VPS13D: variants seen among roughly 807,000 people sequenced by gnomAD.
VPS13D encodes vacuolar protein sorting 13 homolog D.
A neutral mutation model predicts 461.9 loss-of-function variants in VPS13D; 187 were observed. The ratio of observed to expected loss-of-function variants is 0.40; its 90% CI spans 0.36 to 0.46. VPS13D has a LOEUF of 0.46. VPS13D is among the 20% of genes least tolerant of loss of function. VPS13D has a pLI of 0.60. For missense variants in VPS13D, 4,711 were observed against 5,364.9 expected (o/e 0.88, Z 3.81); for synonymous variants, 1,951 against 1,986.3 (o/e 0.98, Z 0.47).
At position 12,276,987 on chromosome 1, in the gene VPS13D, A is replaced by G; in HGVS notation, c.3399A>G (p.Glu1133=). ...TTCTTCAAAAATCCTTTCCCAAGGA[A>G]AAAGATGATTTAAGTCCTCAACCTT... is the stretch of plus-strand genomic sequence containing the variant. ...IGFLQKSFPK[E]KDDLSPQPLM... The change falls in exon 19 of 70, where the codon GAA becomes GAG. Residue 1133 remains glutamate, a synonymous_variant. Transcript: ENST00000620676. The surrounding 1 kb of genome is among the most constrained non-coding windows in gnomAD (Gnocchi z 4.5). 4 of 1,614,172 alleles carry G rather than the reference A, an allele frequency of 2.5e-6. No homozygotes were observed. The highest frequency in any genetic ancestry group is 3.4e-6 in the Non-Finnish European group (4 of 1,180,026).
intron 16 of VPS13D, among the ~76,000 whole-genome samples, chr1:12,269,473 A>C (rs973328446): frequency 6.6e-6 from 1 of 152,216 alleles, no homozygotes; most frequent in African/African-American, 2.4e-5. Context: ...CATACTTTTT[A>C]TTTCACTATG....
At chr1:12,372,894 C>T (rs1259724125) in intron 54 of VPS13D, among the ~76,000 whole-genome samples, 3 of 150,082 alleles carry the variant, frequency 2.0e-5, no homozygotes, top group African/African-American at 7.4e-5. Flanking sequence ...AGCCAGGCTG[C>T]AACATTCCAT....
rs1054682170 is a variant in VPS13D at position 12,311,520 on chromosome 1, G to C, written c.6717G>C (p.Leu2239=). The change falls in exon 28 of 70, where the codon CTG becomes CTC. Residue 2239 remains leucine, a synonymous_variant. Coordinates refer to ENST00000620676, the MANE Select transcript of VPS13D (RefSeq NM_015378.4). The part of the protein sequence containing the change: ...HGNLSSVHCS[L]DLYKYKLIRG... The stretch of plus-strand genomic sequence containing the variant: ...ATCTCTCCTCAGTCCACTGCTCTCT[G>C]GATCTGTATAAATACAAGCTGATCC... 1.2e-6 allele frequency: 2 copies of C among 1,614,066 alleles called. No individual in the cohort carries two copies. The highest frequency in any genetic ancestry group is 2.7e-5 in the African/African-American group (2 of 74,996).
At position 12,282,764 on chromosome 1, in the gene VPS13D, C is replaced by T. The variant is rs374238236; in HGVS notation, c.4662C>T (p.Tyr1554=). The change falls in exon 21 of 70, where the codon TAC becomes TAT. Residue 1554 remains tyrosine, a synonymous_variant. Transcript: ENST00000620676. The part of the protein sequence containing the change: ...QVLQTLDNLV[Y]SEDLNKYPAS... ...TACAAACCCTGGACAATCTCGTGTACAGTGAAGATCTGAATAAGTATCCAG... is the reference window on the plus strand; with the variant it reads ...TACAAACCCTGGACAATCTCGTGTATAGTGAAGATCTGAATAAGTATCCAG... 5.0e-6 allele frequency: 8 copies of T among 1,613,952 alleles called. No individual in the cohort carries two copies. Among genetic ancestry groups the T allele is most frequent in the African/African-American group, 4.0e-5 (3 of 74,888 alleles).
chr1:12,400,198 T>C lies in VPS13D; in HGVS notation c.11652T>C (p.Ile3884=). The C allele has an allele frequency of 4.3e-6, 7 of 1,614,010 alleles. No homozygotes were observed. The African/African-American group carries it at 9.3e-5, about 22-fold the overall frequency. ...IQDVQVDNQL[I]GTTQPFMLYV... ...GGCCGTAGGTGGACAATCAGCTCATTGGTACCACGCAGCCCTTCATGCTCT... is the reference window on the plus strand; with the variant it reads ...GGCCGTAGGTGGACAATCAGCTCATCGGTACCACGCAGCCCTTCATGCTCT... Residue 3884 remains isoleucine (I), a synonymous_variant, in exon 61 of 70, where the codon ATT becomes ATC. Coordinates refer to ENST00000620676, the MANE Select transcript of VPS13D (RefSeq NM_015378.4).
intron 35 of VPS13D, among the ~76,000 whole-genome samples, chr1:12,323,997 C>G (rs1643113598): frequency 6.6e-6 from 1 of 152,182 alleles, no homozygotes; most frequent in African/African-American, 2.4e-5. Flanking sequence ...CAACCTCCAC[C>G]TCCCCAGTTC....
intron 65 of VPS13D, among the ~76,000 whole-genome samples, chr1:12,425,583 G>T (rs1280178975): frequency 1.3e-5 from 2 of 151,566 alleles, no homozygotes; most frequent in Non-Finnish European, 2.9e-5. Flanking sequence ...AAAAATATCA[G>T]CGATGTGAAG....
At chr1:12,293,072 A>C (rs186368348) in intron 23 of VPS13D, among the ~76,000 whole-genome samples, 1 of 152,370 alleles carries the variant, frequency 6.6e-6, no homozygotes, top group African/African-American at 2.4e-5. Context: ...TCTTTGACTT[A>C]CATTTGACTA....
At chr1:12,400,962 G>GCGCACACACA (rs1253464149) in intron 61 of VPS13D, among the ~76,000 whole-genome samples, 193 of 106,294 alleles carry the variant, frequency 1.8e-3, no homozygotes, top group African/African-American at 5.7e-3. Flanking sequence ...CTGCGCGCGC[G>GCGCACACACA]CACACACACA....
At chr1:12,292,177 T>G (rs1389761238) in intron 23 of VPS13D, among the ~76,000 whole-genome samples, 1 of 143,138 alleles carries the variant, frequency 7.0e-6, no homozygotes, top group African/African-American at 2.6e-5. Flanking sequence ...GAGAATAGCT[T>G]GAACCTGGGG....
At chr1:12,234,044 C>G in intron 1 of VPS13D, 147 bp from the exon 2 acceptor site, 1 of 400,884 alleles carries the variant, frequency 2.5e-6, no homozygotes, top group Non-Finnish European at 4.6e-6. Flanking sequence ...GCGAAACTGT[C>G]TCAAAACAAA....
At chr1:12,394,603 A>G (rs1014481688) in intron 60 of VPS13D, among the ~76,000 whole-genome samples, 2 of 152,170 alleles carry the variant, frequency 1.3e-5, no homozygotes, top group Non-Finnish European at 2.9e-5. Context: ...TGCTGCCCTT[A>G]CAAATCTGTT....
chr1:12,339,519 C>G (rs1052360189), intron 40 of VPS13D, among the ~76,000 whole-genome samples: 6 of 152,174 alleles, frequency 3.9e-5, no homozygotes, highest in African/African-American at 9.7e-5. Flanking sequence ...GCTTTAGACT[C>G]TCTCTCAGCC....
intron 6 of VPS13D, 39 bp downstream of exon 6, chr1:12,249,378 A>G (rs1201097865): frequency 6.5e-7 from 1 of 1,538,626 alleles, no homozygotes; most frequent in Non-Finnish European, 8.9e-7. Flanking sequence ...GAAGAAAGCC[A>G]TGCTCTAGGA....
Position 12,510,531 on chromosome 1 carries a change from G to C in VPS13D, c.*1507G>C, listed in dbSNP as rs1018888545. The C allele has an allele frequency of 4.5e-4, 68 of 151,452 alleles. No homozygotes were observed. The highest frequency in any genetic ancestry group is 1.5e-3 in the African/African-American group (62 of 40,592). The allele number at this position is 151,452 out of a possible 1,614,324, so 9.4% of individuals were successfully genotyped here. A position where few individuals can be genotyped will look rare whatever the true frequency, so the allele number is the denominator to read the frequency against. On this transcript the variant is annotated 3_prime_UTR_variant, in exon 70 of 70. Transcript: ENST00000620676. ...TTCCCCTCTGTGTCTGTGTCTGTGTGTGTGTGTGTGTGTGTGTGTGTGTGC... is the reference window on the plus strand; with the variant it reads ...TTCCCCTCTGTGTCTGTGTCTGTGTCTGTGTGTGTGTGTGTGTGTGTGTGC...
chr1:12,371,989 C>T (rs1167808896), intron 54 of VPS13D, among the ~76,000 whole-genome samples: 4 of 152,116 alleles, frequency 2.6e-5, no homozygotes, highest in Non-Finnish European at 5.9e-5. Context: ...ACATTCCTAC[C>T]AACAGTGTAG....
chr1:12,388,696 C>G (rs1183750117), intron 60 of VPS13D, among the ~76,000 whole-genome samples: 3 of 151,834 alleles, frequency 2.0e-5, no homozygotes, highest in African/African-American at 7.3e-5. Flanking sequence ...AGACTCAAAC[C>G]TAATGGTATC....
chr1:12,373,721 A>G, intron 54 of VPS13D, 29 bp from the exon 55 acceptor site: 3 of 1,259,550 alleles, frequency 2.4e-6, no homozygotes, highest in Non-Finnish European at 2.1e-6. Context: ...ATATATTTTT[A>G]TGTAATATAT....
At chr1:12,308,085 G>C (rs115472770) in intron 26 of VPS13D, among the ~76,000 whole-genome samples, 2 of 152,172 alleles carry the variant, frequency 1.3e-5, no homozygotes, top group Non-Finnish European at 2.9e-5. Flanking sequence ...AGCATTGTGC[G>C]TGGGGAGGGA....
Sources: allele counts gnomAD v4.1 joint callset (sites outside exome capture counted in the v4.1 genomes callset), GRCh38; gene constraint gnomAD v4.1.1; non-coding constraint Gnocchi (gnomAD v3.1); transcripts MANE v1.5; gene names NCBI Gene and HGNC (gene_info 2026-07-23, HGNC 2026-07-21).